Variants in DOCK9 observed in about 807,000 individuals in gnomAD.
DOCK9 encodes dedicator of cytokinesis protein 9.
DOCK9 carries 89 observed loss-of-function variants against 263.3 expected under a neutral mutation model. The ratio of observed to expected loss-of-function variants is 0.34; its 90% CI spans 0.28 to 0.40. The LOEUF (loss-of-function observed/expected upper bound fraction) is 0.40. Among genes scored for constraint, DOCK9 ranks in the 10% least tolerant of loss-of-function variants. The pLI, the probability that DOCK9 is intolerant of heterozygous loss-of-function variation, is 1.00. For missense variants in DOCK9, 2,140 were observed against 2,603.4 expected, an observed-to-expected ratio of 0.82 and a Z score of 3.87; for synonymous variants, 976 against 973.1, an observed-to-expected ratio of 1.00 and a Z score of -0.06.
intron 27 of DOCK9, among the ~76,000 whole-genome samples, chr13:98,873,609 GA>G (rs2094246976): frequency 6.6e-6 from 1 of 152,180 alleles, no homozygotes; most frequent in South Asian, 2.1e-4. Flanking sequence ...TCCTTAAAAG[GA>G]AAGGTGCATC....
intron 44 of DOCK9, among the ~76,000 whole-genome samples, chr13:98,824,892 G>T (rs1377844811): frequency 6.6e-6 from 1 of 152,200 alleles, no homozygotes; most frequent in African/African-American, 2.4e-5. Context: ...CAATATAAGA[G>T]AAATGTATGA....
intron 1 of DOCK9, among the ~76,000 whole-genome samples, chr13:98,967,511 C>G (rs2141258677): frequency 6.6e-6 from 1 of 152,276 alleles, no homozygotes; most frequent in East Asian, 1.9e-4. Context: ...TCTCCTGGCC[C>G]CAAGACCAGG....
intron 1 of DOCK9, among the ~76,000 whole-genome samples, chr13:99,013,304 G>A (rs1205870172): frequency 1.3e-5 from 2 of 152,048 alleles, no homozygotes; most frequent in South Asian, 2.1e-4. Flanking sequence ...TGGTAGAAAC[G>A]AGGTCTTGCT....
Position 98,860,505 on chromosome 13 carries a change from G to C in DOCK9, c.3597C>G (p.Ser1199=). The C allele has an allele frequency of 6.4e-7, 1 of 1,572,106 alleles. No individual in the cohort carries two copies. Among genetic ancestry groups the C allele is most frequent in the South Asian group, 1.2e-5 (1 of 85,536 alleles). The change falls in exon 33 of 53, where the codon TCC becomes TCG. Residue 1199 remains serine, a synonymous_variant. Coordinates refer to ENST00000682017, the MANE Select transcript of DOCK9 (RefSeq NM_001366683.2). ...GCGGATTCACAGCTGGTAGAGCCAG[G>C]GATTCATCCTTCACAGTCTGTCAAG... The part of the protein sequence containing the change: ...VNAGMTVKDE[S]LALPAVNPLV...
At chr13:99,059,974 T>C (rs961133863) in intron 1 of DOCK9, among the ~76,000 whole-genome samples, 3 of 152,000 alleles carry the variant, frequency 2.0e-5, no homozygotes, top group Non-Finnish European at 2.9e-5. Context: ...CTGTGGCATG[T>C]GTCAGTACTC....
At chr13:98,979,422 G>A (rs1440651758), upstream of DOCK9, among the ~76,000 whole-genome samples, 3 of 152,084 alleles carry the variant, frequency 2.0e-5, no homozygotes, top group African/African-American at 4.8e-5. Context: ...GAGGCAGTGG[G>A]GAGAACTGAG....
chr13:98,803,789 C>T (rs1440242398), intron 49 of DOCK9, among the ~76,000 whole-genome samples: 1 of 152,006 alleles, frequency 6.6e-6, no homozygotes, highest in Non-Finnish European at 1.5e-5. Context: ...ATTATTTGTG[C>T]TTTATATATG....
At chr13:98,925,669 T>C (rs2052820236) in intron 4 of DOCK9, among the ~76,000 whole-genome samples, 168 bp downstream of exon 4, 1 of 152,162 alleles carries the variant, frequency 6.6e-6, no homozygotes, top group South Asian at 2.1e-4. Context: ...AGTAGCATGT[T>C]TGAGTCTTAC....
intron 2 of DOCK9, among the ~76,000 whole-genome samples, chr13:98,948,442 C>T (rs1244712639): frequency 6.6e-6 from 1 of 152,214 alleles, no homozygotes; most frequent in Non-Finnish European, 1.5e-5. Flanking sequence ...CACTCCTCAA[C>T]CTGATTTTGC....
intron 27 of DOCK9, among the ~76,000 whole-genome samples, chr13:98,876,958 A>G (rs572922813): frequency 1.3e-5 from 2 of 152,382 alleles, no homozygotes; most frequent in East Asian, 3.9e-4. Flanking sequence ...CACTTAAAAA[A>G]CAAAAAACTA....
chr13:99,027,499 G>T (rs1349296705), intron 1 of DOCK9, among the ~76,000 whole-genome samples: 3 of 152,084 alleles, frequency 2.0e-5, no homozygotes, highest in Admixed American at 6.6e-5. Context: ...AGAAATCAAC[G>T]CATTAAACCA....
At chr13:98,992,653 G>A (rs1036419545) in intron 1 of DOCK9, among the ~76,000 whole-genome samples, 9 of 152,098 alleles carry the variant, frequency 5.9e-5, no homozygotes, top group African/African-American at 1.7e-4. Flanking sequence ...CTTGCCTGCC[G>A]CCACATAAGA....
intron 39 of DOCK9, among the ~76,000 whole-genome samples, chr13:98,835,262 T>C (rs1019261279): frequency 2.0e-5 from 3 of 152,248 alleles, no homozygotes; most frequent in African/African-American, 7.2e-5. Flanking sequence ...TCTTGAATTA[T>C]ATCAGCTCAC....
intron 27 of DOCK9, chr13:98,871,860 C>A: frequency 6.5e-6 from 1 of 153,080 alleles, no homozygotes. Flanking sequence ...TAGCCACATG[C>A]GGGATGCCAT....
At chr13:98,988,587 CAA>C (rs1879014658) in intron 1 of DOCK9, among the ~76,000 whole-genome samples, 2 of 152,168 alleles carry the variant, frequency 1.3e-5, no homozygotes, top group Admixed American at 6.5e-5. Flanking sequence ...CAGACAAAAT[CAA>C]CACCCATTTT....
intron 35 of DOCK9, among the ~76,000 whole-genome samples, chr13:98,851,770 A>T (rs1319936973): frequency 6.6e-6 from 1 of 152,208 alleles, no homozygotes; most frequent in Non-Finnish European, 1.5e-5. Context: ...CACAAAAGCC[A>T]ATTGTAGGTA....
chr13:98,903,047 G>C lies in DOCK9; in HGVS notation c.1101C>G (p.Ile367Met). ...KSFEEKFGKR[I>M]LVKCNDLSFN... ...AAGATAAATCATTGCACTTGACAAGGATCCTTTTTCCAAACTTCTCTTCAA... is the reference window on the plus strand; with the variant it reads ...AAGATAAATCATTGCACTTGACAAGCATCCTTTTTCCAAACTTCTCTTCAA... Residue 367 changes from isoleucine to methionine, a missense_variant, in exon 11 of 53, where the codon ATC becomes ATG. Physicochemically the swap from Ile to Met is conservative, Grantham distance 10 (BLOSUM62 1). Coordinates refer to ENST00000682017, the MANE Select transcript of DOCK9 (RefSeq NM_001366683.2). The C allele has an allele frequency of 6.5e-7, 1 of 1,538,552 alleles. No homozygotes were observed. Among genetic ancestry groups the C allele is most frequent in the Non-Finnish European group, 8.8e-7 (1 of 1,142,174 alleles).
At chr13:98,826,780 G>T in intron 44 of DOCK9, 50 bp downstream of exon 44, 1 of 1,434,564 alleles carries the variant, frequency 7.0e-7, no homozygotes. Flanking sequence ...CTGCTGCTTT[G>T]TGTGGTTTTA....
At chr13:98,860,926 G>A (rs990536452) in intron 32 of DOCK9, among the ~76,000 whole-genome samples, 1 of 152,092 alleles carries the variant, frequency 6.6e-6, no homozygotes, top group Non-Finnish European at 1.5e-5. Context: ...TGTAATGCGG[G>A]GAATTACAAC....
Sources: allele counts gnomAD v4.1 joint callset (sites outside exome capture counted in the v4.1 genomes callset), GRCh38; gene constraint gnomAD v4.1.1; transcripts MANE v1.5; gene names NCBI Gene and HGNC (gene_info 2026-07-23, HGNC 2026-07-21).